RBM6: variants seen among roughly 807,000 people sequenced by gnomAD.
RBM6 encodes the protein RNA-binding protein 6.
In RBM6, 23 loss-of-function variants were observed where a neutral mutation model predicts 140.4. The ratio of observed to expected loss-of-function variants is 0.16; its 90% CI spans 0.12 to 0.23. The LOEUF (loss-of-function observed/expected upper bound fraction) is 0.23. Among genes scored for constraint, RBM6 ranks in the 10% least tolerant of loss-of-function variants. RBM6 has a pLI of 1.00. For synonymous variants in RBM6, 439 were observed against 475.6 expected (o/e 0.92, Z 1.00); for missense variants, 1,139 against 1,386.7 (o/e 0.82, Z 2.84).
intron 6 of RBM6, among the ~76,000 whole-genome samples, chr3:50,024,263 C>T (rs1242010397): frequency 6.6e-6 from 1 of 152,050 alleles, no homozygotes; most frequent in East Asian, 1.9e-4. Context: ...AATTATTTCC[C>T]CTCCCTTTTA....
At chr3:49,975,442 A>G (rs1276697050) in intron 5 of RBM6, 50 bp downstream of exon 5, 2 of 1,428,236 alleles carry the variant, frequency 1.4e-6, no homozygotes, top group Non-Finnish European at 9.8e-7. Flanking sequence ...GGTCTTTGTC[A>G]GATCTCTGCA....
At chr3:50,024,947 C>T (rs1468200752) in intron 6 of RBM6, among the ~76,000 whole-genome samples, 5 of 151,390 alleles carry the variant, frequency 3.3e-5, no homozygotes, top group Admixed American at 2.6e-4. Context: ...GCCGAGATTG[C>T]GCCACTGCAC....
intron 6 of RBM6, among the ~76,000 whole-genome samples, chr3:50,015,592 G>A (rs955760702): frequency 6.6e-6 from 1 of 151,294 alleles, no homozygotes; most frequent in Non-Finnish European, 1.5e-5. Flanking sequence ...CACCACGCCC[G>A]GCTAATTTTT....
chr3:50,075,459 T>G (rs1474716058), intron 20 of RBM6, 129 bp downstream of exon 20: 21 of 1,265,418 alleles, frequency 1.7e-5, no homozygotes, highest in Non-Finnish European at 2.2e-5. Flanking sequence ...GACATGAGAG[T>G]TGAACACTTT....
At chr3:49,982,771 G>T (rs956970489) in intron 5 of RBM6, among the ~76,000 whole-genome samples, 2 of 151,564 alleles carry the variant, frequency 1.3e-5, no homozygotes, top group Admixed American at 1.3e-4. Flanking sequence ...AGGCTGGAGT[G>T]CAGTGGTGCA....
intron 5 of RBM6, among the ~76,000 whole-genome samples, chr3:49,977,044 A>G (rs2085093419): frequency 1.3e-5 from 2 of 152,162 alleles, no homozygotes; most frequent in Admixed American, 1.3e-4. Flanking sequence ...TGAACTTTTG[A>G]CAATATCAGC....
At chr3:49,958,438 TTGCGGTGGGCACC>T in intron 1 of RBM6, among the ~76,000 whole-genome samples, 1 of 152,170 alleles carries the variant, frequency 6.6e-6, no homozygotes, top group Admixed American at 6.5e-5. Context: ...TTAGCTGGCA[TTGCGGTGGGCACC>T]TGTAGTCCCA....
chr3:49,994,759 A>G (rs1575638572), intron 5 of RBM6, among the ~76,000 whole-genome samples: 1 of 151,026 alleles, frequency 6.6e-6, no homozygotes, highest in African/African-American at 2.4e-5. Context: ...AAGAAAGGAG[A>G]AAAAAAAACC....
At chr3:49,987,498 A>C (rs891177251) in intron 5 of RBM6, among the ~76,000 whole-genome samples, 2 of 150,360 alleles carry the variant, frequency 1.3e-5, no homozygotes, top group East Asian at 4.0e-4. Context: ...TTGTAATTTT[A>C]GTAGAGACAG....
intron 8 of RBM6, among the ~76,000 whole-genome samples, chr3:50,055,165 C>T (rs2089650892): frequency 2.0e-5 from 3 of 152,212 alleles, no homozygotes; most frequent in South Asian, 2.1e-4. Flanking sequence ...TGGTGGCTAA[C>T]GCTTGTAATC....
Position 49,968,049 on chromosome 3 carries a change from A to G in RBM6, c.624A>G (p.Arg208=). The change falls in exon 3 of 21, where the codon AGA becomes AGG. Residue 208 remains arginine, a synonymous_variant. Coordinates refer to ENST00000266022, the MANE Select transcript of RBM6 (RefSeq NM_005777.3). ...TATCAGATTTGGATTTTAGGGCCAG[A>G]GAACAGTCCCGTTCTGATTTTAGGA... is the stretch of plus-strand genomic sequence containing the variant. ...RDLSDLDFRA[R]EQSRSDFRNR... The G allele has an allele frequency of 3.7e-6, 6 of 1,614,212 alleles. No individual in the cohort carries two copies. Among genetic ancestry groups the G allele is most frequent in the Non-Finnish European group, 5.1e-6 (6 of 1,180,038 alleles).
At chr3:49,951,409 G>GTA (rs1040323271) in intron 1 of RBM6, among the ~76,000 whole-genome samples, 5 of 151,850 alleles carry the variant, frequency 3.3e-5, no homozygotes, top group African/African-American at 1.2e-4. Flanking sequence ...GTGTGTGTGT[G>GTA]TGGAGACAAG....
intron 6 of RBM6, among the ~76,000 whole-genome samples, chr3:50,038,148 C>A (rs2088658744): frequency 1.3e-5 from 2 of 151,870 alleles, no homozygotes; most frequent in African/African-American, 2.4e-5. Context: ...ATGGTGGATC[C>A]TGAAGAATAG....
At chr3:49,953,807 A>G (rs1014270121) in intron 1 of RBM6, among the ~76,000 whole-genome samples, 2 of 152,084 alleles carry the variant, frequency 1.3e-5, no homozygotes, top group African/African-American at 4.8e-5. Flanking sequence ...AGCGTGAGCC[A>G]CCACGCCTAG....
rs566519630 is a variant in RBM6 at position 49,948,520 on chromosome 3, C to T, written c.-67+8295C>T. Among the ~76,000 whole-genome samples the T allele has an allele frequency of 6.6e-5, 10 of 152,020 alleles. No homozygotes were observed. The South Asian group carries it at 1.9e-3, about 28-fold the overall frequency. On this transcript the variant is annotated intron_variant, in intron 1 of 20. Coordinates refer to ENST00000266022, the MANE Select transcript of RBM6 (RefSeq NM_005777.3). The stretch of plus-strand genomic sequence containing the variant: ...GGCAGGTCAAGAGATCGAGACCATC[C>T]TGGCCAATGTCATGAAACCTAGTCT...
intron 5 of RBM6, among the ~76,000 whole-genome samples, chr3:49,986,885 A>G (rs987333320): frequency 1.3e-5 from 2 of 151,412 alleles, no homozygotes; most frequent in African/African-American, 4.9e-5. Context: ...TCCCAGGTTC[A>G]AGCTGTCCTC....
At chr3:49,974,075 T>G (rs1278891631) in intron 4 of RBM6, among the ~76,000 whole-genome samples, 1 of 151,890 alleles carries the variant, frequency 6.6e-6, no homozygotes, top group African/African-American at 2.4e-5. Flanking sequence ...GTTTTTGTAT[T>G]TTTAGTAGAG....
intron 6 of RBM6, among the ~76,000 whole-genome samples, chr3:50,019,806 T>A (rs1361836318): frequency 6.6e-6 from 1 of 152,214 alleles, no homozygotes; most frequent in Non-Finnish European, 1.5e-5. Flanking sequence ...AGGTTTTTTT[T>A]TTTAAATCAT....
intron 5 of RBM6, among the ~76,000 whole-genome samples, chr3:49,978,564 G>A (rs1016785745): frequency 1.3e-5 from 2 of 152,162 alleles, no homozygotes; most frequent in African/African-American, 2.4e-5. Flanking sequence ...TCTAGAACCT[G>A]TGAGGTTAAA....
Sources: gnomAD v4.1 joint callset for allele counts (sites outside exome capture counted in the v4.1 genomes callset) on GRCh38, gnomAD v4.1.1 for gene constraint, MANE v1.5 for transcripts, NCBI Gene and HGNC (gene_info 2026-07-23, HGNC 2026-07-21) for gene names.